NACA: variants seen among roughly 807,000 people sequenced by gnomAD.
NACA encodes nascent polypeptide associated complex subunit alpha, also known as nascent polypeptide-associated complex subunit alpha.
In NACA, 42 loss-of-function variants were observed where a neutral mutation model predicts 86.4. The observed-to-expected ratio is 0.49, with a 90% confidence interval of 0.38 to 0.63. The LOEUF (loss-of-function observed/expected upper bound fraction) is 0.63. Ranked by LOEUF, NACA falls within the 20% of genes least tolerant of loss-of-function variation. The probability of loss-of-function intolerance (pLI) is 0.00; values close to 1 mark genes in which losing one functional copy is unlikely to be tolerated. For missense variants in NACA, 2,157 were observed against 2,483.6 expected (o/e 0.87, Z 2.80); for synonymous variants, 898 against 973.7 (o/e 0.92, Z 1.45).
At position 56,720,371 on chromosome 12, in the gene NACA, T is replaced by C. The variant is rs747831856; in HGVS notation, c.1159A>G (p.Thr387Ala). 2 of 1,613,684 alleles carry C rather than the reference T, an allele frequency of 1.2e-6. No homozygotes were observed. The highest frequency in any genetic ancestry group is 2.7e-5 in the African/African-American group (2 of 74,860). Residue 387 changes from threonine (T) to alanine (A), a missense_variant, in exon 3 of 9, where the codon ACC (threonine) becomes GCC (alanine). Around this residue, in one of 8 missense-constraint regions of NACA, gnomAD observed 947 missense variants for 917.9 expected, o/e 1.03. Coordinates refer to ENST00000454682, the MANE Select transcript of NACA (RefSeq NM_001365896.1). ...VAPSVDKGPS[T>A]ISSITCSPSG... ...GGGCTGCAGGTTATGCTAGAGATGG[T>C]AGAGGGACCTTTGTCAACAGATGGA...
At position 56,713,635 on chromosome 12, in the gene NACA, T is replaced by C. The variant is rs1055341700; in HGVS notation, c.5872A>G (p.Thr1958Ala). 3 of 1,614,008 alleles carry C rather than the reference T, an allele frequency of 1.9e-6. No individual in the cohort carries two copies. The highest frequency in any genetic ancestry group is 2.5e-6 in the Non-Finnish European group (3 of 1,179,904). The part of the protein sequence containing the change: ...LRQVTGVTRV[T>A]IRKSKNILFV... ...AGGATATTCTTAGATTTCCGGATAG[T>C]GACTCTAGTAACTCCTGTAACCTGC... The change falls in exon 6 of 9, where the codon ACT becomes GCT. Residue 1958 changes from threonine to alanine, a missense_variant. Thr to Ala is a moderately conservative substitution (Grantham distance 58, BLOSUM62 0). Transcript: ENST00000454682.
chr12:56,720,970 T>A lies in NACA; in HGVS notation c.560A>T (p.Asn187Ile). 6.2e-7 allele frequency: 1 copy of A among 1,613,964 alleles called. No individual in the cohort carries two copies. The highest frequency in any genetic ancestry group is 8.5e-7 in the Non-Finnish European group (1 of 1,179,872). Residue 187 changes from asparagine to isoleucine, a missense_variant, in exon 3 of 9, where the codon AAT becomes ATT. Transcript: ENST00000454682. ...TACCTCAGAGGGAACTTTATTAAGATTAGTCTTTGGTTCTGAGGGAGCAAT... is the reference window on the plus strand; with the variant it reads ...TACCTCAGAGGGAACTTTATTAAGAATAGTCTTTGGTTCTGAGGGAGCAAT... ...APIAPSEPKTNLNKVPSEVVP... is the reference protein window; with the variant it reads ...APIAPSEPKTILNKVPSEVVP...
rs951839317 is a variant in NACA at position 56,718,714 on chromosome 12, G to A, written c.2816C>T (p.Ala939Val). 7.7e-6 allele frequency: 11 copies of A among 1,433,528 alleles called. No homozygotes were observed. The highest frequency in any genetic ancestry group is 1.4e-5 in the African/African-American group (1 of 70,622). 88.8% of individuals were successfully genotyped at this position (1,433,528 alleles called of 1,614,324 possible). A position where few individuals can be genotyped will look rare whatever the true frequency, so the allele number is the denominator to read the frequency against. The change falls in exon 3 of 9, where the codon GCC becomes GTC. Residue 939 changes from alanine (A) to valine (V), a missense_variant. Ala to Val is a moderately conservative substitution (Grantham distance 64). Around this residue, in one of 8 missense-constraint regions of NACA, gnomAD observed 174 missense variants for 217.0 expected, o/e 0.80. Coordinates refer to ENST00000454682, the MANE Select transcript of NACA (RefSeq NM_001365896.1). ...AGGAGTTGCAGCTGGGGGTGTGGGG[G>A]CCCCTTTGGGGGATGGGGAAGCTGG... ...GIPASPSPKGAPTPPAATPPS... is the reference protein window; with the variant it reads ...GIPASPSPKGVPTPPAATPPS...
At position 56,718,951 on chromosome 12, in the gene NACA, G is replaced by A; in HGVS notation, c.2579C>T (p.Ser860Phe). Residue 860 changes from serine (S) to phenylalanine (F), a missense_variant, in exon 3 of 9, where the codon TCC (serine) becomes TTC (phenylalanine). Physicochemically the swap from Ser to Phe is radical, Grantham distance 155. Coordinates refer to ENST00000454682, the MANE Select transcript of NACA (RefSeq NM_001365896.1). ...TGAGGGAGTAGGGGCCCCTTTGGGG[G>A]ATGGAGGAGTGGGAGAATGCGTCGT... Reference protein sequence around the residue: ...PATTHSPTPPSPKGAPTPSAV... With the variant: ...PATTHSPTPPFPKGAPTPSAV... The A allele has an allele frequency of 6.9e-7, 1 of 1,446,660 alleles. No individual in the cohort carries two copies. Among genetic ancestry groups the A allele is most frequent in the Non-Finnish European group, 9.3e-7 (1 of 1,070,924 alleles). The allele number at this position is 1,446,660 out of a possible 1,614,324, so 89.6% of individuals were successfully genotyped here.
intron 2 of NACA, among the ~76,000 whole-genome samples, chr12:56,722,868 T>C (rs1056113954): frequency 7.7e-6 from 1 of 129,772 alleles, no homozygotes; most frequent in African/African-American, 3.0e-5. Context: ...AAATGCTCAA[T>C]GCTTAGAAGG....
In NACA at chr12:56,712,893, C is replaced by A; in HGVS notation, c.6115G>T (p.Val2039Leu). ...ACCAATTCAATGTCCTTAACTTCTACACCTGTTTCATCGACCTGAGAGATG... is the reference window on the plus strand; with the variant it reads ...ACCAATTCAATGTCCTTAACTTCTAAACCTGTTTCATCGACCTGAGAGATG... ...SEEEEVDETG[V>L]EVKDIELVMS... The change falls in exon 8 of 9, where the codon GTA (valine) becomes TTA (leucine). Residue 2039 changes from valine (V) to leucine (L), a missense_variant. Physicochemically the swap from Val to Leu is conservative, Grantham distance 32 (BLOSUM62 1). Around this residue, in one of 8 missense-constraint regions of NACA, gnomAD observed 81 missense variants for 200.6 expected, o/e 0.40. Coordinates refer to ENST00000454682, the MANE Select transcript of NACA (RefSeq NM_001365896.1). 6.2e-7 allele frequency: 1 copy of A among 1,614,208 alleles called. No individual in the cohort carries two copies. Among genetic ancestry groups the A allele is most frequent in the Non-Finnish European group, 8.5e-7 (1 of 1,180,044 alleles).
In NACA at chr12:56,720,877, G is replaced by A; in HGVS notation, c.653C>T (p.Thr218Ile). 1.2e-6 allele frequency: 2 copies of A among 1,614,004 alleles called. No individual in the cohort carries two copies. The highest frequency in any genetic ancestry group is 1.7e-6 in the Non-Finnish European group (2 of 1,179,886). ...TCCAGATTGAATAGAGGCCATGGGA[G>A]TCACACAGTGGTAAGGAACAGTACT... ...IVSTVPYHCV[T>I]PMASIQSGVA... is the part of the protein sequence containing the mutation. Residue 218 changes from threonine to isoleucine, a missense_variant, in exon 3 of 9, where the codon ACT becomes ATT. By Grantham distance (89) the Thr-to-Ile change is moderately conservative. This residue lies in a region of NACA where 947 missense variants were observed against 917.9 expected (regional missense o/e 1.03). Coordinates refer to ENST00000454682, the MANE Select transcript of NACA (RefSeq NM_001365896.1).
Position 56,716,026 on chromosome 12 carries a change from G to C in NACA, c.5504C>G (p.Ala1835Gly), listed in dbSNP as rs12423816. 1.2e-6 allele frequency: 2 copies of C among 1,604,700 alleles called. No individual in the cohort carries two copies. The highest frequency in any genetic ancestry group is 1.7e-6 in the Non-Finnish European group (2 of 1,174,178). Residue 1835 changes from alanine (A) to glycine (G), a missense_variant, in exon 3 of 9, where the codon GCT becomes GGT. Coordinates refer to ENST00000454682, the MANE Select transcript of NACA (RefSeq NM_001365896.1). ...CAGAGGCAGCAGCTCATCCTCATCAGCAGGGGCAAGGGGTTTAGAGGGTGA... is the reference window on the plus strand; with the variant it reads ...CAGAGGCAGCAGCTCATCCTCATCACCAGGGGCAAGGGGTTTAGAGGGTGA... Reference protein sequence around the residue: ...LESPSKPLAPADEDELLPLIP... With the variant: ...LESPSKPLAPGDEDELLPLIP...
At chr12:56,724,871 G>A (rs1592325846) in intron 1 of NACA, 1 of 256,216 alleles carries the variant, frequency 3.9e-6, no homozygotes, top group Middle Eastern at 1.3e-3. Context: ...CGACTTTGGG[G>A]TACCAGGAGG....
Position 56,721,145 on chromosome 12 carries a change from C to G in NACA, c.385G>C (p.Gly129Arg). The G allele has an allele frequency of 3.7e-6, 6 of 1,613,818 alleles. No homozygotes were observed. The highest frequency in any genetic ancestry group is 5.1e-6 in the Non-Finnish European group (6 of 1,179,834). ...ASPMIAPTLK[G>R]TPSSSAPLAL... ...AAGGGAGCTGAAGAGGAAGGGGTCC[C>G]TTTCAGAGTTGGAGCTATCATGGGA... The change falls in exon 3 of 9, where the codon GGG (glycine) becomes CGG (arginine). Residue 129 changes from glycine (G) to arginine (R), a missense_variant. Transcript: ENST00000454682.
chr12:56,715,906 G>A lies in NACA; in HGVS notation c.5624C>T (p.Pro1875Leu), dbSNP rs747530255. 1.1e-5 allele frequency: 16 copies of A among 1,517,210 alleles called. No homozygotes were observed. Among genetic ancestry groups the A allele is most frequent in the Non-Finnish European group, 1.3e-5 (15 of 1,133,096 alleles). 94.0% of individuals were successfully genotyped at this position (1,517,210 alleles called of 1,614,324 possible). ...PKSAGIPVPT[P>L]SAKQPVTKNN... ...CTTCGTAACAGGTTGCTTGGCAGAGGGGGTTGGGACAGGGATTCCAGCAGA... is the reference window on the plus strand; with the variant it reads ...CTTCGTAACAGGTTGCTTGGCAGAGAGGGTTGGGACAGGGATTCCAGCAGA... Residue 1875 changes from proline (P) to leucine (L), a missense_variant, in exon 3 of 9, where the codon CCC becomes CTC. By Grantham distance (98) the Pro-to-Leu change is moderately conservative. Transcript: ENST00000454682.
Position 56,719,425 on chromosome 12 carries a change from G to A in NACA, c.2105C>T (p.Pro702Leu), listed in dbSNP as rs989288388. ...EGTLTTLPLV[P>L]TASENCPVAP... Reference sequence around the variant, plus strand: ...CACAGGGCAATTTTCTGAAGCTGTAGGAACCAAGGGTAAAGTAGTAAGAGT... The same window carrying A: ...CACAGGGCAATTTTCTGAAGCTGTAAGAACCAAGGGTAAAGTAGTAAGAGT... Residue 702 changes from proline to leucine, a missense_variant, in exon 3 of 9, where the codon CCT becomes CTT. Physicochemically the swap from Pro to Leu is moderately conservative, Grantham distance 98. This residue lies in a region of NACA where 947 missense variants were observed against 917.9 expected (regional missense o/e 1.03). Coordinates refer to ENST00000454682, the MANE Select transcript of NACA (RefSeq NM_001365896.1). The A allele has an allele frequency of 1.9e-6, 3 of 1,612,738 alleles. No individual in the cohort carries two copies. The highest frequency in any genetic ancestry group is 1.3e-5 in the African/African-American group (1 of 74,906).
Position 56,718,876 on chromosome 12 carries a change from G to A in NACA, c.2654C>T (p.Thr885Ile). 2 of 1,418,654 alleles carry A rather than the reference G, an allele frequency of 1.4e-6. No homozygotes were observed. Among genetic ancestry groups the A allele is most frequent in the East Asian group, 6.2e-5 (2 of 32,436 alleles). 87.9% of individuals were successfully genotyped at this position (1,418,654 alleles called of 1,614,324 possible). ...CAGATTCACCACTGAAGGAGTGGGG[G>A]TCTCTTTGGGGGGTAGTGTTACTCC... Reference protein sequence around the residue: ...PKGVTLPPKETPTPSVVNLPF... With the variant: ...PKGVTLPPKEIPTPSVVNLPF... Residue 885 changes from threonine to isoleucine, a missense_variant, in exon 3 of 9, where the codon ACC becomes ATC. This residue lies in a region of NACA where 174 missense variants were observed against 217.0 expected (regional missense o/e 0.80). Transcript: ENST00000454682.
rs1953520204 is a variant in NACA at position 56,719,824 on chromosome 12, T to C, written c.1706A>G (p.Asn569Ser). 1 of 1,613,402 alleles carries C rather than the reference T, an allele frequency of 6.2e-7. No individual in the cohort carries two copies. The highest frequency in any genetic ancestry group is 1.1e-5 in the South Asian group (1 of 91,044). The change falls in exon 3 of 9, where the codon AAT (asparagine) becomes AGT (serine). Residue 569 changes from asparagine (N) to serine (S), a missense_variant. By Grantham distance (46) the Asn-to-Ser change is conservative (BLOSUM62 1). Coordinates refer to ENST00000454682, the MANE Select transcript of NACA (RefSeq NM_001365896.1). The part of the protein sequence containing the change: ...VLPLVQAAPK[N>S]SPSFQSTSSS... ...GGATGTACTTTGGAAAGAAGGGGAATTTTTAGGGGCTGCCTGGACTAACGG... is the reference window on the plus strand; with the variant it reads ...GGATGTACTTTGGAAAGAAGGGGAACTTTTAGGGGCTGCCTGGACTAACGG...
chr12:56,713,534 C>T lies in NACA; in HGVS notation c.5970+3G>A. 1 of 1,613,596 alleles carries T rather than the reference C, an allele frequency of 6.2e-7. No homozygotes were observed. The highest frequency in any genetic ancestry group is 1.1e-5 in the South Asian group (1 of 91,050). On this transcript the variant is annotated splice_donor_region_variant and intron_variant, in intron 6 of 8. Coordinates refer to ENST00000454682, the MANE Select transcript of NACA (RefSeq NM_001365896.1). Reference sequence around the variant, plus strand: ...GAACAATGCCCAAGAAAAGTTTACTCACCTTGGCTTCCCCAAAAACTATGT... The same window carrying T: ...GAACAATGCCCAAGAAAAGTTTACTTACCTTGGCTTCCCCAAAAACTATGT...
In NACA at chr12:56,719,439, A is replaced by G; in HGVS notation, c.2091T>C (p.Thr697=). ...CTGAAGCTGTAGGAACCAAGGGTAAAGTAGTAAGAGTACCTTCCTTAACTG... is the reference window on the plus strand; with the variant it reads ...CTGAAGCTGTAGGAACCAAGGGTAAGGTAGTAAGAGTACCTTCCTTAACTG... ...NHPVKEGTLT[T]LPLVPTASEN... The change falls in exon 3 of 9, where the codon ACT becomes ACC. Residue 697 remains threonine (T), a synonymous_variant. Transcript: ENST00000454682. 1 of 1,613,042 alleles carries G rather than the reference A, an allele frequency of 6.2e-7. No individual in the cohort carries two copies. The highest frequency in any genetic ancestry group is 1.7e-5 in the Admixed American group (1 of 59,994).
intron 2 of NACA, among the ~76,000 whole-genome samples, chr12:56,722,735 C>T (rs1411054469): frequency 6.6e-6 from 1 of 151,792 alleles, no homozygotes; most frequent in South Asian, 2.1e-4. Context: ...GGCGAGAATA[C>T]ACTGGATCCC....
Position 56,719,948 on chromosome 12 carries a change from T to A in NACA, c.1582A>T (p.Thr528Ser). 6.2e-7 allele frequency: 1 copy of A among 1,613,710 alleles called. No individual in the cohort carries two copies. Among genetic ancestry groups the A allele is most frequent in the Admixed American group, 1.7e-5 (1 of 59,992 alleles). ...LPSSVLVKFP[T>S]QKDLQTVPAS... is the part of the protein sequence containing the mutation. ...GGTACAGTTTGGAGGTCTTTTTGTG[T>A]TGGAAATTTAACCAATACTGAACTG... The change falls in exon 3 of 9, where the codon ACA (threonine) becomes TCA (serine). Residue 528 changes from threonine (T) to serine (S), a missense_variant. Around this residue, in one of 8 missense-constraint regions of NACA, gnomAD observed 947 missense variants for 917.9 expected, o/e 1.03. Coordinates refer to ENST00000454682, the MANE Select transcript of NACA (RefSeq NM_001365896.1).
chr12:56,713,043 GA>G lies in NACA; in HGVS notation c.6099+18del. On this transcript the variant is annotated intron_variant, in intron 7 of 8. Transcript: ENST00000454682. ...TGCTATACGGCGAGAGTTAAATTAT[GA>G]AAGATTTCCTAGTATACCTCTTCCT... The G allele has an allele frequency of 6.2e-7, 1 of 1,613,718 alleles. No homozygotes were observed. Among genetic ancestry groups the G allele is most frequent in the East Asian group, 2.2e-5 (1 of 44,876 alleles).
Sources: allele counts gnomAD v4.1 joint callset (sites outside exome capture counted in the v4.1 genomes callset), GRCh38; gene constraint gnomAD v4.1.1; regional missense constraint gnomAD v4.1.1; transcripts MANE v1.5; gene names NCBI Gene and HGNC (gene_info 2026-07-23, HGNC 2026-07-21).